The following SGCZ variants were observed in gnomAD, a reference collection of about 807,000 sequenced individuals.
SGCZ encodes the protein sarcoglycan zeta.
A neutral mutation model predicts 41.3 loss-of-function variants in SGCZ; 40 were observed. The ratio of observed to expected loss-of-function variants is 0.97; its 90% CI spans 0.75 to 1.26. The LOEUF (loss-of-function observed/expected upper bound fraction) is 1.26. Among genes scored for constraint, SGCZ ranks in the 50% most tolerant of loss-of-function variants. SGCZ has a pLI of 0.00. For synonymous variants in SGCZ, 206 were observed against 137.5 expected (o/e 1.50, Z -3.49); for missense variants, 552 against 369.8 (o/e 1.49, Z -4.04).
chr8:14,582,568 G>C (rs1418698984), intron 1 of SGCZ, among the ~76,000 whole-genome samples: 4 of 151,298 alleles, frequency 2.6e-5, no homozygotes, highest in African/African-American at 9.8e-5. Flanking sequence ...GTGCAGGTTA[G>C]TTACATATGT....
intron 1 of SGCZ, among the ~76,000 whole-genome samples, chr8:15,049,681 T>C (rs1467029701): frequency 6.6e-6 from 1 of 152,102 alleles, no homozygotes; most frequent in African/African-American, 2.4e-5. Flanking sequence ...GAGATGGTGA[T>C]ATAGTTTGGC....
chr8:14,448,807 G>A (rs953169769), intron 2 of SGCZ, among the ~76,000 whole-genome samples: 2 of 152,062 alleles, frequency 1.3e-5, no homozygotes, highest in African/African-American at 2.4e-5. Flanking sequence ...AGTCTTTCTG[G>A]CCTCTGACTC....
intron 1 of SGCZ, among the ~76,000 whole-genome samples, chr8:14,887,373 C>T (rs1460886494): frequency 6.6e-6 from 1 of 152,092 alleles, no homozygotes; most frequent in East Asian, 1.9e-4. Flanking sequence ...TTTCCTAAAA[C>T]ACTGTGCCAA....
intron 7 of SGCZ, among the ~76,000 whole-genome samples, chr8:14,092,840 A>C (rs1398146685): frequency 1.3e-5 from 2 of 152,046 alleles, no homozygotes; most frequent in Non-Finnish European, 2.9e-5. Flanking sequence ...GTAAAAATGA[A>C]CCAATACAGT....
chr8:15,068,740 A>G (rs577581228), intron 1 of SGCZ, among the ~76,000 whole-genome samples: 16 of 152,342 alleles, frequency 1.1e-4, no homozygotes, highest in Non-Finnish European at 2.1e-4. Flanking sequence ...TCAAAGATAC[A>G]TTAAGACCAT....
At chr8:14,651,616 A>G (rs575099953) in intron 1 of SGCZ, among the ~76,000 whole-genome samples, 1 of 152,214 alleles carries the variant, frequency 6.6e-6, no homozygotes, top group East Asian at 1.9e-4. Context: ...CAATAAATTA[A>G]CACAACTTTT....
intron 1 of SGCZ, among the ~76,000 whole-genome samples, chr8:14,694,507 T>A (rs996843790): frequency 2.0e-5 from 3 of 152,152 alleles, no homozygotes; most frequent in Non-Finnish European, 4.4e-5. Flanking sequence ...TAAATATAGG[T>A]CTTTGGTCTG....
intron 2 of SGCZ, among the ~76,000 whole-genome samples, chr8:14,489,284 T>C (rs1801772299): frequency 6.6e-6 from 1 of 152,144 alleles, no homozygotes; most frequent in Admixed American, 6.5e-5. Flanking sequence ...CTACATTCAC[T>C]GTGTCTACAA....
intron 1 of SGCZ, among the ~76,000 whole-genome samples, chr8:15,192,913 C>G (rs1356904308): frequency 6.6e-6 from 1 of 151,990 alleles, no homozygotes; most frequent in East Asian, 1.9e-4. Context: ...ATATATTGGA[C>G]TAAGGATTCC....
chr8:14,286,096 A>G (rs1330348660), intron 3 of SGCZ, among the ~76,000 whole-genome samples: 2 of 151,156 alleles, frequency 1.3e-5, no homozygotes, highest in South Asian at 4.2e-4. Context: ...TTTTCTCTAC[A>G]GTCCTCAAAT....
chr8:14,844,281 C>A (rs1282062558), intron 1 of SGCZ, among the ~76,000 whole-genome samples: 1 of 152,102 alleles, frequency 6.6e-6, no homozygotes, highest in East Asian at 1.9e-4. Context: ...TATATCTTCT[C>A]ACATACTTTA....
intron 1 of SGCZ, among the ~76,000 whole-genome samples, chr8:15,115,718 CTT>C (rs919771781): frequency 9.9e-5 from 15 of 152,274 alleles, no homozygotes; most frequent in African/African-American, 3.1e-4. Flanking sequence ...GCAAATGTCT[CTT>C]TAGGTCATTG....
chr8:14,984,404 T>G (rs1801763923), intron 1 of SGCZ, among the ~76,000 whole-genome samples: 1 of 152,200 alleles, frequency 6.6e-6, no homozygotes. Flanking sequence ...AAAGTACTTG[T>G]TTTAAACCAA....
chr8:14,654,095 T>C (rs1162136353), intron 1 of SGCZ, among the ~76,000 whole-genome samples: 1 of 152,094 alleles, frequency 6.6e-6, no homozygotes, highest in South Asian at 2.1e-4. Flanking sequence ...AAGTTAACAT[T>C]CAATAACTTT....
At chr8:14,721,358 G>C (rs2130185104) in intron 1 of SGCZ, among the ~76,000 whole-genome samples, 1 of 152,186 alleles carries the variant, frequency 6.6e-6, no homozygotes. Context: ...CTAATAAAGA[G>C]CTCAATCTAG....
At chr8:14,514,842 C>A (rs1324936628) in intron 2 of SGCZ, among the ~76,000 whole-genome samples, 2 of 147,586 alleles carry the variant, frequency 1.4e-5, no homozygotes, top group South Asian at 2.1e-4. Context: ...CACACACACA[C>A]ACTGCATATA....
At chr8:14,203,654 G>A (rs1585228330) in intron 4 of SGCZ, among the ~76,000 whole-genome samples, 1 of 152,146 alleles carries the variant, frequency 6.6e-6, no homozygotes, top group Non-Finnish European at 1.5e-5. Flanking sequence ...AAGGTCACTG[G>A]AGGTGAGCAC....
chr8:14,462,406 T>C (rs947240927), intron 2 of SGCZ, among the ~76,000 whole-genome samples: 1 of 152,082 alleles, frequency 6.6e-6, no homozygotes, highest in South Asian at 2.1e-4. Context: ...TGTTGTTTAG[T>C]ACACTCATAC....
intron 5 of SGCZ, among the ~76,000 whole-genome samples, chr8:14,159,809 A>G (rs1803985861): frequency 1.3e-5 from 2 of 152,218 alleles, no homozygotes; most frequent in African/African-American, 2.4e-5. Context: ...AGCTGACCCC[A>G]TCGCAGTGTG....
Sources: gnomAD v4.1 joint callset for allele counts (sites outside exome capture counted in the v4.1 genomes callset) on GRCh38, gnomAD v4.1.1 for gene constraint, MANE v1.5 for transcripts, NCBI Gene and HGNC (gene_info 2026-07-23, HGNC 2026-07-21) for gene names.